SBNO1: variants seen among roughly 807,000 people sequenced by gnomAD.
SBNO1 encodes strawberry notch homolog 1.
In SBNO1, 23 loss-of-function variants were observed where a neutral mutation model predicts 173.6. The observed-to-expected ratio is 0.13, with a 90% CI of 0.10 to 0.19. SBNO1 has a LOEUF of 0.19. Among genes scored for constraint, SBNO1 ranks in the 10% least tolerant of loss-of-function variants. The probability of loss-of-function intolerance (pLI) is 1.00; values close to 1 mark genes in which losing one functional copy is unlikely to be tolerated. For missense variants in SBNO1, 1,238 were observed against 1,671.2 expected (o/e 0.74, Z 4.52); for synonymous variants, 632 against 571.5 (o/e 1.11, Z -1.51).
At position 123,293,437 on chromosome 12, in the gene SBNO1, T is replaced by C. The variant is rs1232479539; in HGVS notation, c.*2471A>G. 2 of 152,178 alleles carry C rather than the reference T, an allele frequency of 1.3e-5. No homozygotes were observed. Among genetic ancestry groups the C allele is most frequent in the East Asian group, 3.9e-4 (2 of 5,176 alleles). 9.4% of individuals were successfully genotyped at this position (152,178 alleles called of 1,614,324 possible). A position where few individuals can be genotyped will look rare whatever the true frequency, so the allele number is the denominator to read the frequency against. On this transcript the variant is annotated 3_prime_UTR_variant, in exon 32 of 32. Coordinates refer to ENST00000602398, the MANE Select transcript of SBNO1 (RefSeq NM_001167856.3). Reference sequence around the variant, plus strand: ...GGGCGGCCAAACTAACTCGCTGATTTTTGCAAGACCACAGTGTAAAGGTCG... The same window carrying C: ...GGGCGGCCAAACTAACTCGCTGATTCTTGCAAGACCACAGTGTAAAGGTCG...
At position 123,345,423 on chromosome 12, in the gene SBNO1, T is replaced by C. The variant is rs778836779; in HGVS notation, c.385A>G (p.Ser129Gly). Reference sequence around the variant, plus strand: ...GGTGCTGAGACTGACGGGCGTGTGCTTGCAGTAGTCTGGATAAACTTAGTT... The same window carrying C: ...GGTGCTGAGACTGACGGGCGTGTGCCTGCAGTAGTCTGGATAAACTTAGTT... ...TLTKFIQTTA[S>G]TRPSVSAPTV... The change falls in exon 4 of 32, where the codon AGC (serine) becomes GGC (glycine). Residue 129 changes from serine to glycine, a missense_variant. Transcript: ENST00000602398. 11 of 1,614,094 alleles carry C rather than the reference T, an allele frequency of 6.8e-6. No individual in the cohort carries two copies. The East Asian group carries it at 2.2e-4, about 33-fold the overall frequency.
chr12:123,340,071 T>C (rs1163063504), intron 5 of SBNO1, among the ~76,000 whole-genome samples: 2 of 152,204 alleles, frequency 1.3e-5, no homozygotes, highest in Non-Finnish European at 2.9e-5. Flanking sequence ...CTAACCTTTA[T>C]TGTGAGTAGC....
At chr12:123,315,728 T>A in intron 21 of SBNO1, 68 bp from the exon 22 acceptor site, 1 of 857,740 alleles carries the variant, frequency 1.2e-6, no homozygotes, top group Non-Finnish European at 2.0e-6. Context: ...CTGAGATGTA[T>A]TCCTAGCATT....
intron 2 of SBNO1, among the ~76,000 whole-genome samples, chr12:123,348,591 C>A (rs1873497973): frequency 1.3e-5 from 2 of 152,088 alleles, no homozygotes; most frequent in South Asian, 4.1e-4. Context: ...GTGGTGAAAC[C>A]CTGTCTCTAC....
chr12:123,331,711 C>A (rs1202638233), intron 7 of SBNO1, among the ~76,000 whole-genome samples: 2 of 151,626 alleles, frequency 1.3e-5, no homozygotes, highest in African/African-American at 4.8e-5. Flanking sequence ...TTAGTAGAAA[C>A]GGGTTTCACC....
At chr12:123,357,072 G>A (rs1362245205) in intron 1 of SBNO1, among the ~76,000 whole-genome samples, 1 of 150,332 alleles carries the variant, frequency 6.7e-6, no homozygotes, top group Non-Finnish European at 1.5e-5. Flanking sequence ...TCTACTGTGT[G>A]CAGTAGACAC....
chr12:123,349,512 T>C (rs569267408), intron 2 of SBNO1, among the ~76,000 whole-genome samples: 78 of 137,314 alleles, frequency 5.7e-4, no homozygotes, highest in Non-Finnish European at 8.5e-4. Flanking sequence ...ACAAGAACAC[T>C]AAACATCTCT....
At chr12:123,325,257 C>T (rs184125119) in intron 15 of SBNO1, among the ~76,000 whole-genome samples, 1 of 152,308 alleles carries the variant, frequency 6.6e-6, no homozygotes, top group East Asian at 1.9e-4. Flanking sequence ...CAAAGTCTAG[C>T]CCTTCTGTTA....
At chr12:123,307,920 A>T (rs769412857) in intron 28 of SBNO1, among the ~76,000 whole-genome samples, 1 of 152,066 alleles carries the variant, frequency 6.6e-6, no homozygotes, top group Admixed American at 6.6e-5. Context: ...AAAAATAAGA[A>T]ATTTAGCCAG....
intron 31 of SBNO1, 43 bp downstream of exon 31, chr12:123,297,935 G>A (rs376507815): frequency 1.6e-5 from 25 of 1,586,108 alleles, no homozygotes; most frequent in African/African-American, 5.4e-5. Context: ...AGTCGGATCC[G>A]ATTTTTTCCT....
intron 28 of SBNO1, among the ~76,000 whole-genome samples, chr12:123,306,160 T>C (rs1010946842): frequency 6.6e-6 from 1 of 152,200 alleles, no homozygotes; most frequent in Non-Finnish European, 1.5e-5. Context: ...AAGGTGAAGA[T>C]TATATTTAAA....
intron 1 of SBNO1, among the ~76,000 whole-genome samples, chr12:123,361,615 T>A (rs1875186718): frequency 6.6e-6 from 1 of 150,648 alleles, no homozygotes; most frequent in Non-Finnish European, 1.5e-5. Context: ...GTACCTGTAA[T>A]CCCAGCTACT....
Position 123,290,446 on chromosome 12 carries a change from A to G in SBNO1, c.*5462T>C, listed in dbSNP as rs891652541. On this transcript the variant is annotated 3_prime_UTR_variant, in exon 32 of 32. Coordinates refer to ENST00000602398, the MANE Select transcript of SBNO1 (RefSeq NM_001167856.3). ...GGTGCAAAATTGTGAACAAATACCC[A>G]ATGTCTGCCTCCCGGGTGCTCAACA... is the stretch of plus-strand genomic sequence containing the variant. 4 of 152,180 alleles carry G rather than the reference A, an allele frequency of 2.6e-5. No homozygotes were observed. Among genetic ancestry groups the G allele is most frequent in the Admixed American group, 6.5e-5 (1 of 15,278 alleles). The allele number at this position is 152,180 out of a possible 1,614,324, so 9.4% of individuals were successfully genotyped here. A position where few individuals can be genotyped will look rare whatever the true frequency, so the allele number is the denominator to read the frequency against.
At chr12:123,297,693 A>G (rs2048655402) in intron 31 of SBNO1, among the ~76,000 whole-genome samples, 2 of 152,170 alleles carry the variant, frequency 1.3e-5, no homozygotes, top group Non-Finnish European at 2.9e-5. Context: ...TGAACTGTCT[A>G]CACACCAGGG....
intron 5 of SBNO1, among the ~76,000 whole-genome samples, chr12:123,340,625 C>CATT (rs1872441485): frequency 1.4e-5 from 2 of 145,354 alleles, no homozygotes; most frequent in South Asian, 4.4e-4. Context: ...ATAACCAGAT[C>CATT]ATTATATGAT....
chr12:123,314,906 A>ATT (rs760653627), intron 23 of SBNO1, among the ~76,000 whole-genome samples: 5,400 of 129,318 alleles, frequency 0.042, 220 homozygotes, highest in East Asian at 0.26. Context: ...TAATTTTTGT[A>ATT]TTTTTTTTTT....
Position 123,313,835 on chromosome 12 carries a change from T to C in SBNO1, c.3121-116A>G, listed in dbSNP as rs566477889. Reference sequence around the variant, plus strand: ...TGGGTGCGGTGGCTCATGCCTGTAATCCCAGCACTTTGGGAGGTCGAGGTG... The same window carrying C: ...TGGGTGCGGTGGCTCATGCCTGTAACCCCAGCACTTTGGGAGGTCGAGGTG... On this transcript the variant is annotated intron_variant, in intron 23 of 31. Coordinates refer to ENST00000602398, the MANE Select transcript of SBNO1 (RefSeq NM_001167856.3). 403 of 590,690 alleles carry C rather than the reference T, an allele frequency of 6.8e-4. 3 individuals are homozygous for C. The African/African-American group carries it at 6.8e-3, about 10-fold the overall frequency. 36.6% of individuals were successfully genotyped at this position (590,690 alleles called of 1,614,324 possible).
chr12:123,354,566 A>G (rs138543986), intron 1 of SBNO1, among the ~76,000 whole-genome samples: 99 of 152,330 alleles, frequency 6.5e-4, no homozygotes, highest in Non-Finnish European at 9.7e-4. Context: ...GTATGTAATT[A>G]TATTTCTATT....
At chr12:123,349,427 G>C (rs1237528917) in intron 2 of SBNO1, among the ~76,000 whole-genome samples, 1 of 152,048 alleles carries the variant, frequency 6.6e-6, no homozygotes, top group Admixed American at 6.6e-5. Flanking sequence ...TGCTTTCAGA[G>C]AATGTATATA....
Sources: gnomAD v4.1 joint callset for allele counts (sites outside exome capture counted in the v4.1 genomes callset) on GRCh38, gnomAD v4.1.1 for gene constraint, MANE v1.5 for transcripts, NCBI Gene and HGNC (gene_info 2026-07-23, HGNC 2026-07-21) for gene names.